The following COL24A1 variants were observed in gnomAD, a reference collection of about 807,000 sequenced individuals.
COL24A1 encodes the protein collagen alpha-1(XXIV) chain.
COL24A1 carries 224 observed loss-of-function variants against 253.9 expected under a neutral mutation model. The ratio of observed to expected loss-of-function variants is 0.88; its 90% CI spans 0.79 to 0.99. The LOEUF (loss-of-function observed/expected upper bound fraction) is 0.99, where lower values mean the gene tolerates loss of function less well. Among genes scored for constraint, COL24A1 ranks in the 50% least tolerant of loss-of-function variants. COL24A1 has a pLI of 0.00. For synonymous variants in COL24A1, 685 were observed against 673.7 expected (o/e 1.02, Z -0.26); for missense variants, 2,131 against 2,068.5 (o/e 1.03, Z -0.59).
At chr1:85,735,589 A>G (rs1663959005) in intron 58 of COL24A1, among the ~76,000 whole-genome samples, 1 of 152,058 alleles carries the variant, frequency 6.6e-6, no homozygotes, top group Non-Finnish European at 1.5e-5. Context: ...TCACACAGTG[A>G]ATCGTCAATA....
chr1:85,938,519 G>T (rs34589269), intron 24 of COL24A1, among the ~76,000 whole-genome samples: 32,059 of 145,854 alleles, frequency 0.22, 6,115 homozygotes, highest in Non-Finnish European at 0.26. Flanking sequence ...AAAATCAGCT[G>T]CAGTGCTAGG....
chr1:86,014,650 A>T (rs1696837709), intron 19 of COL24A1, among the ~76,000 whole-genome samples: 1 of 151,914 alleles, frequency 6.6e-6, no homozygotes, highest in Admixed American at 6.6e-5. Flanking sequence ...ATGATGATCC[A>T]CATTCTACCC....
intron 24 of COL24A1, among the ~76,000 whole-genome samples, chr1:85,945,005 T>TA (rs1689140265): frequency 1.7e-5 from 1 of 58,368 alleles, no homozygotes; most frequent in East Asian, 6.3e-4. Flanking sequence ...TCATTGTGTT[T>TA]TTTTTTTTTT....
chr1:85,864,935 C>T (rs928500004), intron 37 of COL24A1, among the ~76,000 whole-genome samples: 4 of 152,240 alleles, frequency 2.6e-5, no homozygotes, highest in Middle Eastern at 3.4e-3. Context: ...GCAGATGTTT[C>T]CTTTCAGATG....
At chr1:85,830,277 C>A (rs996820555) in intron 43 of COL24A1, among the ~76,000 whole-genome samples, 12 of 151,974 alleles carry the variant, frequency 7.9e-5, no homozygotes, top group Non-Finnish European at 1.8e-4. Flanking sequence ...GCAGTCTGCC[C>A]GTTCTCAGAT....
chr1:86,032,040 T>C (rs1266176684), intron 13 of COL24A1, 118 bp from the exon 14 acceptor site: 3 of 715,688 alleles, frequency 4.2e-6, no homozygotes, highest in Non-Finnish European at 6.8e-6. Flanking sequence ...CCTTCTACTA[T>C]AGCTAACTTC....
At chr1:86,013,815 G>A (rs900748633) in intron 19 of COL24A1, among the ~76,000 whole-genome samples, 5 of 152,122 alleles carry the variant, frequency 3.3e-5, no homozygotes, top group East Asian at 1.9e-4. Flanking sequence ...CAGCCTGGGC[G>A]AGAGAGTGAA....
intron 47 of COL24A1, among the ~76,000 whole-genome samples, chr1:85,812,085 T>C (rs1046997049): frequency 1.4e-5 from 2 of 140,628 alleles, no homozygotes; most frequent in Admixed American, 7.1e-5. Context: ...GAACCTGGAA[T>C]GTCAAATGGC....
chr1:86,065,773 A>AG (rs1346919438), intron 7 of COL24A1, among the ~76,000 whole-genome samples: 41 of 151,014 alleles, frequency 2.7e-4, no homozygotes, highest in Middle Eastern at 6.8e-3. Context: ...AAAAAAAAAA[A>AG]AGAGAGAGAC....
At chr1:86,124,645 C>T (rs570014318) in intron 3 of COL24A1, among the ~76,000 whole-genome samples, 200 bp downstream of exon 3, 2 of 151,960 alleles carry the variant, frequency 1.3e-5, no homozygotes, top group East Asian at 1.9e-4. Context: ...AACAAAAGCA[C>T]GATATTTGAG....
chr1:85,847,718 C>G lies in COL24A1; in HGVS notation c.3409G>C (p.Gly1137Arg), dbSNP rs1417346964. ...TTAGGACCACTTTTCCCAATTTTTC[C>G]AGGAGGACCTCTGCTTCCAACTTCT... The part of the protein sequence containing the change: ...TGEVGSRGPP[G>R]KIGKSGPKGA... Residue 1137 changes from glycine to arginine, a missense_variant, in exon 39 of 60, where the codon GGA becomes CGA. Coordinates refer to ENST00000370571, the MANE Select transcript of COL24A1 (RefSeq NM_152890.7). 1 of 1,613,824 alleles carries G rather than the reference C, an allele frequency of 6.2e-7. No homozygotes were observed. Among genetic ancestry groups the G allele is most frequent in the Non-Finnish European group, 8.5e-7 (1 of 1,179,848 alleles).
rs1467271842 is a variant in COL24A1, at chr1:85,816,858, C to G, written c.3881G>C (p.Gly1294Ala). 1.2e-6 allele frequency: 2 copies of G among 1,614,002 alleles called. No homozygotes were observed. The highest frequency in any genetic ancestry group is 8.5e-7 in the Non-Finnish European group (1 of 1,179,904). Reference sequence around the variant, plus strand: ...TGAAATGCCATCTGCTCCATGGTATCCTTGTATGCCTTTTGGCCCAAGTAG... The same window carrying G: ...TGAAATGCCATCTGCTCCATGGTATGCTTGTATGCCTTTTGGCCCAAGTAG... ...QGLLGPKGIQGYHGADGISGN... is the reference protein window; with the variant it reads ...QGLLGPKGIQAYHGADGISGN... Residue 1294 changes from glycine to alanine, a missense_variant, in exon 47 of 60, where the codon GGA becomes GCA. Coordinates refer to ENST00000370571, the MANE Select transcript of COL24A1 (RefSeq NM_152890.7).
chr1:86,085,400 T>C (rs1487356169), intron 7 of COL24A1, among the ~76,000 whole-genome samples: 1 of 152,216 alleles, frequency 6.6e-6, no homozygotes, highest in East Asian at 1.9e-4. Context: ...TATTGCCATA[T>C]ATTATTTATA....
At chr1:86,029,593 T>C (rs951713635) in intron 14 of COL24A1, among the ~76,000 whole-genome samples, 2 of 147,748 alleles carry the variant, frequency 1.4e-5, no homozygotes, top group Non-Finnish European at 3.0e-5. Context: ...TCCTGACTTA[T>C]TTATTTTTAT....
chr1:86,023,143 CTTAT>C, intron 14 of COL24A1, 136 bp from the exon 15 acceptor site: 1 of 684,022 alleles, frequency 1.5e-6, no homozygotes, highest in Non-Finnish European at 2.5e-6. Context: ...TCTTCAACAA[CTTAT>C]TTTTCTCTCC....
At position 85,823,307 on chromosome 1, in the gene COL24A1, T is replaced by G. The variant is rs538006819; in HGVS notation, c.3789+229A>C. On this transcript the variant is annotated intron_variant, in intron 45 of 59. Coordinates refer to ENST00000370571, the MANE Select transcript of COL24A1 (RefSeq NM_152890.7). ...TGAGGCAATTTTCACAAAGCTAGAA[T>G]AGGCTTCTGGAAAAGAAAAATTTGG... is the stretch of plus-strand genomic sequence containing the variant. Among the ~76,000 whole-genome samples, 2 of 152,278 alleles carry G rather than the reference T, an allele frequency of 1.3e-5. 1 individual carries two copies. The highest frequency in any genetic ancestry group is 4.1e-4 in the South Asian group (2 of 4,822).
At chr1:85,858,627 CCTTCCTTCCTTCCT>C (rs1678749355) in intron 37 of COL24A1, among the ~76,000 whole-genome samples, 2 of 115,934 alleles carry the variant, frequency 1.7e-5, no homozygotes, top group African/African-American at 8.9e-5. Context: ...CTCCCTCCTT[CCTTCCTTCCTTCCT>C]TCCTTCCTTC....
intron 12 of COL24A1, among the ~76,000 whole-genome samples, chr1:86,036,725 G>A (rs1483996740): frequency 1.3e-5 from 2 of 152,146 alleles, no homozygotes; most frequent in Non-Finnish European, 1.5e-5. Flanking sequence ...ATATGGAACA[G>A]TAGTGACAAA....
At chr1:85,731,976 A>T (rs1663520512) in intron 59 of COL24A1, among the ~76,000 whole-genome samples, 1 of 152,138 alleles carries the variant, frequency 6.6e-6, no homozygotes, top group Non-Finnish European at 1.5e-5. Flanking sequence ...ACCACAAAAA[A>T]CTAAAAAACA....
Sources: allele counts gnomAD v4.1 joint callset (sites outside exome capture counted in the v4.1 genomes callset), GRCh38; gene constraint gnomAD v4.1.1; transcripts MANE v1.5; gene names NCBI Gene and HGNC (gene_info 2026-07-23, HGNC 2026-07-21).